The following SPECC1L variants were observed in gnomAD, a reference collection of about 807,000 sequenced individuals.
SPECC1L encodes the protein sperm antigen with calponin homology and coiled-coil domains 1 like, also known as cytospin-A.
Under a neutral mutation model 116.8 loss-of-function variants are expected in SPECC1L, and 40 were observed. The observed-to-expected ratio is 0.34, with a 90% CI of 0.27 to 0.45. SPECC1L has a LOEUF of 0.45. Among genes scored for constraint, SPECC1L ranks in the 20% least tolerant of loss-of-function variants. The pLI is 1.00. For synonymous variants in SPECC1L, 504 were observed against 500.6 expected (o/e 1.01, Z -0.09); for missense variants, 1,110 against 1,373.6 (o/e 0.81, Z 3.03).
At position 24,313,435 on chromosome 22, in the gene SPECC1L, C is replaced by A; in HGVS notation, c.276C>A (p.Thr92=). 6.2e-7 allele frequency: 1 copy of A among 1,614,132 alleles called. No homozygotes were observed. Among genetic ancestry groups the A allele is most frequent in the African/African-American group, 1.3e-5 (1 of 75,036 alleles). The change falls in exon 4 of 17, where the codon ACC becomes ACA. Residue 92 remains threonine, a synonymous_variant. Transcript: ENST00000314328. ...AAPSASAPAM[T]TVENKSKIST... ...CTTCAGCATCTGCCCCTGCCATGAC[C>A]ACCGTGGAGAACAAATCCAAGATTA...
At chr22:24,402,647 A>G (rs1402618951) in intron 14 of SPECC1L, among the ~76,000 whole-genome samples, 1 of 152,176 alleles carries the variant, frequency 6.6e-6, no homozygotes, top group African/African-American at 2.4e-5. Flanking sequence ...CTGAAGGTGG[A>G]CCTGGGGACA....
intron 14 of SPECC1L, among the ~76,000 whole-genome samples, chr22:24,381,430 GGGGA>G (rs2042059358): frequency 6.6e-6 from 1 of 152,154 alleles, no homozygotes; most frequent in Admixed American, 6.5e-5. Context: ...AGTTTTATTG[GGGGA>G]TGTACTTCAT....
At position 24,378,893 on chromosome 22, in the gene SPECC1L, C is replaced by G. The variant is rs545819845; in HGVS notation, c.3087+9573C>G. ...TATTGCAAGAATTACCAAACTTGAC[C>G]CAGAGACATTGAAGTGAGCACATAC... On this transcript the variant is annotated intron_variant, in intron 14 of 16. Coordinates refer to ENST00000314328, the MANE Select transcript of SPECC1L (RefSeq NM_015330.6). 7.2e-5 allele frequency among the ~76,000 whole-genome samples: 11 copies of G among 151,968 alleles called. No homozygotes were observed. The East Asian group carries it at 2.1e-3, about 29-fold the overall frequency.
intron 10 of SPECC1L, among the ~76,000 whole-genome samples, chr22:24,346,011 G>T (rs1272375488): frequency 5.6e-5 from 8 of 141,664 alleles, no homozygotes; most frequent in Admixed American, 1.4e-4. Context: ...TGTTTTTTTT[G>T]TTTTTTTTTT....
In SPECC1L at chr22:24,371,281, A is replaced by G. The variant is rs150705364; in HGVS notation, c.3087+1961A>G. ...CACATGGAAGATTGCAGGTTAGGCC[A>G]TATGTTAGGTCATAAAACTAGTCTC... On this transcript the variant is annotated intron_variant, in intron 14 of 16. Coordinates refer to ENST00000314328, the MANE Select transcript of SPECC1L (RefSeq NM_015330.6). Among the ~76,000 whole-genome samples the G allele has an allele frequency of 2.0e-5, 3 of 152,266 alleles. No homozygotes were observed. The East Asian group carries it at 5.8e-4, about 29-fold the overall frequency.
At chr22:24,392,513 G>T (rs1444542964) in intron 14 of SPECC1L, among the ~76,000 whole-genome samples, 3 of 152,190 alleles carry the variant, frequency 2.0e-5, no homozygotes, top group African/African-American at 4.8e-5. Context: ...AGTTTAGCCT[G>T]AGGTCATTCT....
At chr22:24,322,964 T>C in intron 5 of SPECC1L, 46 bp downstream of exon 5, 1 of 1,609,664 alleles carries the variant, frequency 6.2e-7, no homozygotes, top group East Asian at 2.2e-5. Context: ...ATTAGGCAGC[T>C]GCCATGCACA....
intron 5 of SPECC1L, among the ~76,000 whole-genome samples, chr22:24,323,353 G>A (rs1214506706): frequency 3.9e-5 from 6 of 152,194 alleles, no homozygotes; most frequent in Admixed American, 3.3e-4. Context: ...TTTTCAAATA[G>A]AGATCTGTTG....
chr22:24,286,227 A>G (rs908706990), intron 2 of SPECC1L, among the ~76,000 whole-genome samples: 1 of 152,252 alleles, frequency 6.6e-6, no homozygotes, highest in Non-Finnish European at 1.5e-5. Flanking sequence ...ACTTGCTGTT[A>G]GTAGTAACCT....
chr22:24,359,712 C>T (rs1397224214), intron 11 of SPECC1L, among the ~76,000 whole-genome samples: 1 of 152,170 alleles, frequency 6.6e-6, no homozygotes, highest in Non-Finnish European at 1.5e-5. Flanking sequence ...TGAACATCAC[C>T]ACAGTGTCCT....
In SPECC1L at chr22:24,365,615, C is replaced by T. The variant is rs748739847; in HGVS notation, c.2967C>T (p.Thr989=). 1.2e-6 allele frequency: 2 copies of T among 1,614,182 alleles called. No homozygotes were observed. The highest frequency in any genetic ancestry group is 1.7e-6 in the Non-Finnish European group (2 of 1,180,028). ...CTCCAACGGCATCTGTGACTCCCAC[C>T]ACCCGAAGCCGAATAAGGTAGAGAA... The part of the protein sequence containing the change: ...SSSPTASVTP[T]TRSRIREERK... Residue 989 remains threonine (T), a synonymous_variant, in exon 13 of 17, where the codon ACC becomes ACT. Transcript: ENST00000314328.
intron 14 of SPECC1L, among the ~76,000 whole-genome samples, chr22:24,409,528 C>T (rs2042652399): frequency 6.6e-6 from 1 of 152,126 alleles, no homozygotes; most frequent in Non-Finnish European, 1.5e-5. Flanking sequence ...TGGATCACAC[C>T]TGTAATCCCA....
intron 14 of SPECC1L, among the ~76,000 whole-genome samples, chr22:24,380,119 C>T (rs2042038571): frequency 6.6e-6 from 1 of 152,212 alleles, no homozygotes; most frequent in African/African-American, 2.4e-5. Flanking sequence ...GACCCACCCT[C>T]CTCAGCCTCC....
intron 4 of SPECC1L, among the ~76,000 whole-genome samples, chr22:24,318,213 C>T (rs2040641547): frequency 6.6e-6 from 1 of 152,258 alleles, no homozygotes; most frequent in Non-Finnish European, 1.5e-5. Context: ...CACGCCACTG[C>T]ACTCCAGCCT....
chr22:24,319,629 A>G (rs985440762), intron 4 of SPECC1L, among the ~76,000 whole-genome samples: 2 of 152,154 alleles, frequency 1.3e-5, no homozygotes, highest in African/African-American at 4.8e-5. Context: ...GGGACTCTAT[A>G]TGAACATTCC....
intron 2 of SPECC1L, among the ~76,000 whole-genome samples, chr22:24,278,527 A>G (rs2048880098): frequency 6.6e-6 from 1 of 152,166 alleles, no homozygotes; most frequent in African/African-American, 2.4e-5. Flanking sequence ...TCATTCATCA[A>G]AGTTAGCAGA....
chr22:24,357,714 G>A (rs1279840066), intron 11 of SPECC1L, among the ~76,000 whole-genome samples: 1 of 152,130 alleles, frequency 6.6e-6, no homozygotes, highest in Non-Finnish European at 1.5e-5. Flanking sequence ...TTACCCTCAG[G>A]GCAGAACAGG....
At chr22:24,370,757 A>T (rs1305822321) in intron 14 of SPECC1L, among the ~76,000 whole-genome samples, 1 of 152,214 alleles carries the variant, frequency 6.6e-6, no homozygotes, top group East Asian at 1.9e-4. Context: ...AAGGAAGGAA[A>T]TTCTTACACA....
At chr22:24,397,081 A>G (rs2042383123) in intron 14 of SPECC1L, among the ~76,000 whole-genome samples, 1 of 152,194 alleles carries the variant, frequency 6.6e-6, no homozygotes, top group South Asian at 2.1e-4. Context: ...GGAAAAAGTA[A>G]GTAAACTATT....
Sources: gnomAD v4.1 joint callset for allele counts (sites outside exome capture counted in the v4.1 genomes callset) on GRCh38, gnomAD v4.1.1 for gene constraint, MANE v1.5 for transcripts, NCBI Gene and HGNC (gene_info 2026-07-23, HGNC 2026-07-21) for gene names.